Variants in GRID2 observed in about 807,000 individuals in gnomAD.
GRID2 encodes glutamate ionotropic receptor delta type subunit 2.
A neutral mutation model predicts 114.8 loss-of-function variants in GRID2; 33 were observed. That is an observed-to-expected ratio of 0.29 (90% CI 0.22 to 0.38). GRID2 has a LOEUF of 0.38. Ranked by LOEUF, GRID2 falls within the 10% of genes least tolerant of loss-of-function variation. The pLI is 1.00. For missense variants in GRID2, 1,184 were observed against 1,257.7 expected (o/e 0.94, Z 0.89); for synonymous variants, 505 against 449.9 (o/e 1.12, Z -1.55).
chr4:92,485,464 C>T (rs1237412634), intron 1 of GRID2, among the ~76,000 whole-genome samples: 1 of 150,336 alleles, frequency 6.7e-6, no homozygotes, highest in Admixed American at 6.7e-5. Context: ...CTTTGGGAGG[C>T]CCAGGTGGGT....
chr4:92,527,304 A>C (rs773343305), intron 1 of GRID2, among the ~76,000 whole-genome samples: 13 of 152,130 alleles, frequency 8.5e-5, no homozygotes, highest in Non-Finnish European at 1.8e-4. Context: ...ATGATTTTAA[A>C]ATTGATTTCT....
intron 13 of GRID2, among the ~76,000 whole-genome samples, chr4:93,604,404 AAGGAGTC>A (rs1333498719): frequency 5.9e-5 from 9 of 152,222 alleles, no homozygotes; most frequent in African/African-American, 9.7e-5. Context: ...TTGAATGAAT[AAGGAGTC>A]ACTTCTTATG....
At chr4:93,378,053 A>G (rs1763529876) in intron 8 of GRID2, among the ~76,000 whole-genome samples, 1 of 152,170 alleles carries the variant, frequency 6.6e-6, no homozygotes, top group Admixed American at 6.6e-5. Flanking sequence ...GAAAACAATG[A>G]ATGCAAATCC....
intron 2 of GRID2, among the ~76,000 whole-genome samples, chr4:92,837,605 A>G (rs1742548716): frequency 6.6e-6 from 1 of 152,096 alleles, no homozygotes; most frequent in African/African-American, 2.4e-5. Flanking sequence ...ATTCCAAGAA[A>G]AAATGTTTTT....
In GRID2 at chr4:93,497,516, G is replaced by A. The variant is rs865960433; in HGVS notation, c.1997+6739G>A. ...TACATTACACATTTACATATTTGAT[G>A]CATTTTGAGTTAATTTTGTATAAAG... On this transcript the variant is annotated intron_variant, in intron 12 of 15. Transcript: ENST00000282020. Among the ~76,000 whole-genome samples the A allele has an allele frequency of 4.6e-5, 7 of 151,744 alleles. No homozygotes were observed. In the Middle Eastern group the frequency reaches 0.01, roughly 221 times the overall value.
At chr4:93,246,289 A>G (rs1013578230) in intron 8 of GRID2, among the ~76,000 whole-genome samples, 2 of 152,124 alleles carry the variant, frequency 1.3e-5, no homozygotes, top group Admixed American at 1.3e-4. Context: ...GAGAATCTAG[A>G]AAATATTATG....
At chr4:93,144,646 C>G (rs968102782) in intron 4 of GRID2, among the ~76,000 whole-genome samples, 1 of 151,980 alleles carries the variant, frequency 6.6e-6, no homozygotes, top group Non-Finnish European at 1.5e-5. Flanking sequence ...CATAAAAAGC[C>G]CAGAAGCAAA....
chr4:93,161,907 CT>C (rs1445097192), intron 4 of GRID2, among the ~76,000 whole-genome samples: 1 of 151,512 alleles, frequency 6.6e-6, no homozygotes, highest in African/African-American at 2.4e-5. Flanking sequence ...AATTTTTTAT[CT>C]CATAAAATCT....
At chr4:93,488,187 T>C (rs1246376185) in intron 11 of GRID2, among the ~76,000 whole-genome samples, 2 of 151,952 alleles carry the variant, frequency 1.3e-5, no homozygotes, top group Non-Finnish European at 2.9e-5. Flanking sequence ...CATTTTATTA[T>C]TATTTTTTCA....
At chr4:93,040,618 C>G (rs1725421671) in intron 2 of GRID2, among the ~76,000 whole-genome samples, 1 of 152,036 alleles carries the variant, frequency 6.6e-6, no homozygotes, top group Admixed American at 6.6e-5. Context: ...TAATTTAAGT[C>G]TTTGTGTATT....
chr4:93,671,435 C>T (rs571828641), intron 14 of GRID2, among the ~76,000 whole-genome samples: 1 of 152,038 alleles, frequency 6.6e-6, no homozygotes, highest in South Asian at 2.1e-4. Flanking sequence ...TCAGCCCCTG[C>T]CCAGGTACAA....
chr4:93,673,291 G>A (rs1032861916), intron 14 of GRID2, among the ~76,000 whole-genome samples: 13 of 152,118 alleles, frequency 8.5e-5, no homozygotes, highest in African/African-American at 2.9e-4. Flanking sequence ...TCTAAAGAAA[G>A]TGGAAAAATC....
At chr4:92,890,280 C>G (rs1021688404) in intron 2 of GRID2, among the ~76,000 whole-genome samples, 1 of 152,148 alleles carries the variant, frequency 6.6e-6, no homozygotes, top group African/African-American at 2.4e-5. Context: ...TCTAATTAAA[C>G]TAAAGAGCAT....
At chr4:93,006,990 T>C (rs1036136447) in intron 2 of GRID2, among the ~76,000 whole-genome samples, 7 of 151,952 alleles carry the variant, frequency 4.6e-5, no homozygotes, top group African/African-American at 7.2e-5. Flanking sequence ...TATTAAAAAA[T>C]TATATTTCTA....
At chr4:92,754,591 C>G (rs975017761) in intron 2 of GRID2, among the ~76,000 whole-genome samples, 1 of 152,050 alleles carries the variant, frequency 6.6e-6, no homozygotes, top group Non-Finnish European at 1.5e-5. Flanking sequence ...TAATTAAACC[C>G]CTTAAATCAG....
At chr4:92,648,870 T>C (rs1731773778) in intron 2 of GRID2, among the ~76,000 whole-genome samples, 1 of 147,174 alleles carries the variant, frequency 6.8e-6, no homozygotes, top group African/African-American at 2.6e-5. Context: ...GTTGTCAAAT[T>C]GATTTTTAAA....
intron 2 of GRID2, among the ~76,000 whole-genome samples, chr4:92,737,101 T>C (rs1370750229): frequency 6.6e-6 from 1 of 152,098 alleles, no homozygotes; most frequent in Non-Finnish European, 1.5e-5. Context: ...GACATCTAGC[T>C]CTTCAATAAT....
At chr4:92,879,422 A>G (rs1205995409) in intron 2 of GRID2, among the ~76,000 whole-genome samples, 2 of 152,226 alleles carry the variant, frequency 1.3e-5, no homozygotes, top group Non-Finnish European at 2.9e-5. Context: ...GCCCACAATA[A>G]ACATTAGCCC....
At position 92,569,256 on chromosome 4, in the gene GRID2, G is replaced by A. The variant is rs374605748; in HGVS notation, c.89-20875G>A. On this transcript the variant is annotated intron_variant, in intron 1 of 15. Transcript: ENST00000282020. ...TCTGTTCCTGAATTAGTTTGCTAAG[G>A]ATAATGGCCTCCAGCTCCATCCATG... 1.2e-4 allele frequency among the ~76,000 whole-genome samples: 19 copies of A among 152,084 alleles called. 1 individual carries two copies. In the South Asian group the frequency reaches 1.5e-3, roughly 12 times the overall value.
Sources: gnomAD v4.1 joint callset for allele counts (sites outside exome capture counted in the v4.1 genomes callset) on GRCh38, gnomAD v4.1.1 for gene constraint, MANE v1.5 for transcripts, NCBI Gene and HGNC (gene_info 2026-07-23, HGNC 2026-07-21) for gene names.